MASP1: variants seen among roughly 807,000 people sequenced by gnomAD.
MASP1 encodes the protein mannan-binding lectin serine protease 1.
Under a neutral mutation model 77.1 loss-of-function variants are expected in MASP1, and 59 were observed. The ratio of observed to expected loss-of-function variants is 0.77; its 90% confidence interval spans 0.62 to 0.95. The LOEUF is 0.95. Ranked by LOEUF, MASP1 falls within the 40% of genes least tolerant of loss-of-function variation. MASP1 has a pLI of 0.00. For missense variants in MASP1, 885 were observed against 912.9 expected (o/e 0.97, Z 0.39); for synonymous variants, 362 against 354.5 (o/e 1.02, Z -0.24).
At chr3:187,239,130 G>A (rs190864598) in intron 10 of MASP1, among the ~76,000 whole-genome samples, 1 of 151,860 alleles carries the variant, frequency 6.6e-6, no homozygotes, top group East Asian at 1.9e-4. Flanking sequence ...ATCACCTGAG[G>A]TGGGGAGTTC....
At chr3:187,289,215 C>T (rs1227587018) in intron 1 of MASP1, among the ~76,000 whole-genome samples, 2 of 152,168 alleles carry the variant, frequency 1.3e-5, no homozygotes, top group Non-Finnish European at 2.9e-5. Context: ...GTAAAAATGC[C>T]TGCATATATC....
chr3:187,256,948 G>T (rs1008730516), intron 4 of MASP1, 88 bp from the exon 5 acceptor site: 1 of 1,177,968 alleles, frequency 8.5e-7, no homozygotes, highest in African/African-American at 1.5e-5. Context: ...TTTTCCCAAT[G>T]GTCCCAAGCA....
At chr3:187,228,946 T>A (rs1021740211) in intron 11 of MASP1, among the ~76,000 whole-genome samples, 2 of 152,158 alleles carry the variant, frequency 1.3e-5, no homozygotes, top group African/African-American at 2.4e-5. Flanking sequence ...CCTGGTTGGA[T>A]CTGGAGGAGG....
chr3:187,263,894 G>A (rs906858008), intron 2 of MASP1, among the ~76,000 whole-genome samples: 14 of 152,170 alleles, frequency 9.2e-5, no homozygotes, highest in African/African-American at 2.2e-4. Flanking sequence ...AATTCTTGAC[G>A]TATCTATTCG....
chr3:187,256,995 A>AT, intron 4 of MASP1, 135 bp from the exon 5 acceptor site: 1 of 754,592 alleles, frequency 1.3e-6, no homozygotes, highest in Non-Finnish European at 2.3e-6. Context: ...CATTTTACAG[A>AT]TGGGAAAAAT....
intron 2 of MASP1, among the ~76,000 whole-genome samples, chr3:187,282,539 A>G (rs1717519578): frequency 7.1e-6 from 1 of 141,606 alleles, no homozygotes; most frequent in Non-Finnish European, 1.6e-5. Flanking sequence ...TGTACTGGGG[A>G]GAATATATTT....
intron 2 of MASP1, among the ~76,000 whole-genome samples, chr3:187,267,122 C>T (rs149323962): frequency 7.5e-4 from 115 of 152,326 alleles, no homozygotes; most frequent in African/African-American, 2.5e-3. Context: ...ACTGGTGAAT[C>T]TAGTGAGTGG....
chr3:187,273,100 G>A (rs1268985712), intron 2 of MASP1, among the ~76,000 whole-genome samples: 1 of 152,116 alleles, frequency 6.6e-6, no homozygotes, highest in Non-Finnish European at 1.5e-5. Context: ...CCAGCTAGTG[G>A]GGCAAGGGTC....
At chr3:187,224,378 G>A (rs1301887050) in intron 13 of MASP1, among the ~76,000 whole-genome samples, 8 of 128,752 alleles carry the variant, frequency 6.2e-5, no homozygotes, top group Middle Eastern at 5.7e-3. Context: ...ACGGAGTCTC[G>A]CTCTGTCGCC....
chr3:187,235,075 A>T lies in MASP1; in HGVS notation c.*609T>A. The stretch of plus-strand genomic sequence containing the variant: ...GGGGAACATAAGGGATAAGGCTTAG[A>T]CTGCAAGAAGCTTTTGGGAGAGAAA... On this transcript the variant is annotated 3_prime_UTR_variant, in exon 11 of 11. Transcript: ENST00000296280. The T allele has an allele frequency of 1.6e-6, 2 of 1,287,260 alleles. No individual in the cohort carries two copies. Among genetic ancestry groups the T allele is most frequent in the Non-Finnish European group, 2.0e-6 (2 of 988,714 alleles). The allele number at this position is 1,287,260 out of a possible 1,614,324, so 79.7% of individuals were successfully genotyped here.
intron 3 of MASP1, 41 bp downstream of exon 3, chr3:187,262,502 G>T: frequency 6.2e-7 from 1 of 1,603,194 alleles, no homozygotes; most frequent in South Asian, 1.1e-5. Flanking sequence ...TCTTCGGAGA[G>T]AGAGAGAGAG....
At chr3:187,225,829 G>T (rs1171344902) in intron 12 of MASP1, among the ~76,000 whole-genome samples, 3 of 152,186 alleles carry the variant, frequency 2.0e-5, no homozygotes, top group Admixed American at 2.0e-4. Flanking sequence ...TAGCCTCTCA[G>T]ACTCTTGGGT....
intron 2 of MASP1, among the ~76,000 whole-genome samples, chr3:187,275,261 G>A (rs1716872105): frequency 1.3e-5 from 2 of 152,224 alleles, no homozygotes; most frequent in Middle Eastern, 3.2e-3. Flanking sequence ...AGGCAGTGAT[G>A]AGGCTTGTGC....
chr3:187,269,409 G>A (rs1198666336), intron 2 of MASP1, among the ~76,000 whole-genome samples: 1 of 152,194 alleles, frequency 6.6e-6, no homozygotes, highest in Non-Finnish European at 1.5e-5. Context: ...AATGAAAAGA[G>A]GCTCCTGAGC....
chr3:187,286,191 C>G, intron 1 of MASP1, 135 bp from the exon 2 acceptor site: 1 of 726,784 alleles, frequency 1.4e-6, no homozygotes, highest in Non-Finnish European at 2.4e-6. Context: ...CCCCTTCTGA[C>G]CTTGCCTCCT....
rs1716352236 is a variant in MASP1 at position 187,269,642 on chromosome 3, C to T, written c.238-6922G>A. Among the ~76,000 whole-genome samples, 2 of 152,298 alleles carry T rather than the reference C, an allele frequency of 1.3e-5. 1 individual carries two copies. The highest frequency in any genetic ancestry group is 4.8e-5 in the African/African-American group (2 of 41,564). ...GCAGAACTGGGCTCTAATCAAGGAACATTCTTGGTATCTGGAGTTGGCAAC... is the reference window on the plus strand; with the variant it reads ...GCAGAACTGGGCTCTAATCAAGGAATATTCTTGGTATCTGGAGTTGGCAAC... On this transcript the variant is annotated intron_variant, in intron 2 of 10. Transcript: ENST00000296280.
intron 2 of MASP1, among the ~76,000 whole-genome samples, chr3:187,277,366 A>C (rs765059373): frequency 9.2e-5 from 14 of 152,178 alleles, no homozygotes; most frequent in Non-Finnish European, 1.6e-4. Context: ...GATGTACTAC[A>C]AGCAGATGAT....
At chr3:187,219,711 G>C in exon 16 of MASP1, 1 of 353,642 alleles carries the variant, frequency 2.8e-6, no homozygotes, top group Non-Finnish European at 5.5e-6. Context: ...TATGCACTCT[G>C]TTAAGTGCTA....
At chr3:187,268,567 A>AAAAG (rs1300405855) in intron 2 of MASP1, among the ~76,000 whole-genome samples, 97 of 152,036 alleles carry the variant, frequency 6.4e-4, no homozygotes, top group African/African-American at 2.2e-3. Context: ...AAAAGAAAAG[A>AAAAG]AAAGAAAGGA....
Sources: allele counts gnomAD v4.1 joint callset (sites outside exome capture counted in the v4.1 genomes callset), GRCh38; gene constraint gnomAD v4.1.1; transcripts MANE v1.5; gene names NCBI Gene and HGNC (gene_info 2026-07-23, HGNC 2026-07-21).